NUDT4: variants seen among roughly 807,000 people sequenced by gnomAD.
The protein encoded by NUDT4 is nudix hydrolase 4, also known as diphosphoinositol polyphosphate phosphohydrolase 2.
In NUDT4, 5 loss-of-function variants were observed where a neutral mutation model predicts 23.1. That is an observed-to-expected ratio of 0.22 (90% confidence interval 0.11 to 0.46). The LOEUF is 0.46. NUDT4 is among the 20% of genes least tolerant of loss of function. The probability of loss-of-function intolerance (pLI) is 0.99; values close to 1 mark genes in which losing one functional copy is unlikely to be tolerated. For synonymous variants in NUDT4, 50 were observed against 79.0 expected, an observed-to-expected ratio of 0.63 and a Z score of 1.95; for missense variants, 96 against 211.6, an observed-to-expected ratio of 0.45 and a Z score of 3.39.
chr12:93,385,914 TTA>T (rs71952346), intron 1 of NUDT4, among the ~76,000 whole-genome samples: 34,260 of 131,474 alleles, frequency 0.26, 5,913 homozygotes, highest in African/African-American at 0.47. Context: ...TGTATAGATT[TTA>T]TATATATATA....
At position 93,406,456 on chromosome 12, in the gene NUDT4, TTA is replaced by T. The variant is rs1877824656; in HGVS notation, c.*7079_*7080del. The T allele has an allele frequency of 6.6e-6, 1 of 152,126 alleles. No homozygotes were observed. Among genetic ancestry groups the T allele is most frequent in the Admixed American group, 6.5e-5 (1 of 15,272 alleles). The allele number at this position is 152,126 out of a possible 1,614,324, so 9.4% of individuals were successfully genotyped here. On this transcript the variant is annotated 3_prime_UTR_variant, in exon 5 of 5. Transcript: ENST00000415493. The stretch of plus-strand genomic sequence containing the variant: ...CAAACAACCATAGCACCTGTGACTT[TTA>T]TCTGTTGGTTTGTATTTAATCTTAT...
chr12:93,402,559 A>G lies in NUDT4; in HGVS notation c.*3180A>G, dbSNP rs1324628762. 3.3e-5 allele frequency: 5 copies of G among 152,150 alleles called. No homozygotes were observed. Among genetic ancestry groups the G allele is most frequent in the East Asian group, 3.8e-4 (2 of 5,204 alleles). 9.4% of individuals were successfully genotyped at this position (152,150 alleles called of 1,614,324 possible). On this transcript the variant is annotated 3_prime_UTR_variant, in exon 5 of 5. Transcript: ENST00000415493. ...ATATACGTTACCTCTTCCTAGCGGT[A>G]CATTTGTATGATCCTTACTACTGGA...
rs1425060316 is a variant in NUDT4, at chr12:93,405,567, C to T, written c.*6188C>T. ...TTTAGTCCAGCTCCCAGCATGGCAG[C>T]TAATGGCAAGTTAGTACCATAAAGC... On this transcript the variant is annotated 3_prime_UTR_variant, in exon 5 of 5. Transcript: ENST00000415493. 1 of 100,934 alleles carries T rather than the reference C, an allele frequency of 9.9e-6. No individual in the cohort carries two copies. Among genetic ancestry groups the T allele is most frequent in the Admixed American group, 9.4e-5 (1 of 10,638 alleles). The allele number at this position is 100,934 out of a possible 1,614,324, so 6.3% of individuals were successfully genotyped here.
intron 1 of NUDT4, among the ~76,000 whole-genome samples, chr12:93,391,688 G>C (rs1031034075): frequency 1.3e-5 from 2 of 152,130 alleles, no homozygotes; most frequent in African/African-American, 2.4e-5. Flanking sequence ...AGTCAGCAGA[G>C]ATTGTGTCAC....
At chr12:93,378,771 G>C in intron 1 of NUDT4, 1 of 1,020,308 alleles carries the variant, frequency 9.8e-7, no homozygotes. Flanking sequence ...AGTGCTCAGC[G>C]AGAGGAGGGT....
At position 93,406,610 on chromosome 12, in the gene NUDT4, A is replaced by G. The variant is rs558543728; in HGVS notation, c.*7231A>G. The G allele has an allele frequency of 1.3e-5, 2 of 152,364 alleles. No individual in the cohort carries two copies. The highest frequency in any genetic ancestry group is 2.4e-5 in the African/African-American group (1 of 41,554). The allele number at this position is 152,364 out of a possible 1,614,324, so 9.4% of individuals were successfully genotyped here. On this transcript the variant is annotated 3_prime_UTR_variant, in exon 5 of 5. Coordinates refer to ENST00000415493, the MANE Select transcript of NUDT4 (RefSeq NM_019094.6). ...TTCAAACAACCAGACAAAATATTCC[A>G]AAAAACATTGTGTCTGTAGTCAACA...
chr12:93,384,477 G>C (rs1875923350), intron 1 of NUDT4, among the ~76,000 whole-genome samples: 1 of 151,926 alleles, frequency 6.6e-6, no homozygotes, highest in East Asian at 1.9e-4. Context: ...TGGGGTGTCC[G>C]ATCTTTTAGC....
intron 1 of NUDT4, among the ~76,000 whole-genome samples, chr12:93,387,859 A>G (rs891382800): frequency 3.3e-5 from 5 of 151,854 alleles, no homozygotes; most frequent in African/African-American, 9.7e-5. Flanking sequence ...TGCTGTTCAT[A>G]TTTTTCCACC....
chr12:93,397,661 A>T (rs1364116945), intron 3 of NUDT4, among the ~76,000 whole-genome samples: 1 of 152,066 alleles, frequency 6.6e-6, no homozygotes, highest in Non-Finnish European at 1.5e-5. Context: ...AAGTAGCTGA[A>T]TTACAGGCAT....
intron 1 of NUDT4, chr12:93,378,820 C>G (rs1034028222): frequency 1.2e-5 from 12 of 989,664 alleles, no homozygotes; most frequent in Non-Finnish European, 1.4e-5. Flanking sequence ...CCTTGTGCCT[C>G]TTTTACATAT....
chr12:93,387,499 G>T (rs1876191184), intron 1 of NUDT4, among the ~76,000 whole-genome samples: 1 of 152,124 alleles, frequency 6.6e-6, no homozygotes, highest in Non-Finnish European at 1.5e-5. Context: ...TGTTTTTCTG[G>T]AAAGAGAAAT....
In NUDT4 at chr12:93,378,337, G is replaced by C. The variant is rs1213918879; in HGVS notation, c.15G>C (p.Lys5Asn). The C allele has an allele frequency of 6.7e-7, 1 of 1,498,036 alleles. No individual in the cohort carries two copies. The highest frequency in any genetic ancestry group is 9.0e-7 in the Non-Finnish European group (1 of 1,109,316). 92.8% of individuals were successfully genotyped at this position (1,498,036 alleles called of 1,614,324 possible). MMKF[K>N]PNQTRTYDRE... ...AGCCCGCCTCTATGATGAAGTTCAA[G>C]CCCAACCAGACGCGGACCTACGACC... is the stretch of plus-strand genomic sequence containing the variant. The change falls in exon 1 of 5, where the codon AAG (lysine) becomes AAC (asparagine). Residue 5 changes from lysine (K) to asparagine (N), a missense_variant. Coordinates refer to ENST00000415493, the MANE Select transcript of NUDT4 (RefSeq NM_019094.6).
rs1876256767 is a variant in NUDT4 at position 93,388,440 on chromosome 12, T to G, written c.100-6169T>G. 1.3e-5 allele frequency among the ~76,000 whole-genome samples: 2 copies of G among 152,246 alleles called. 1 individual carries two copies. The highest frequency in any genetic ancestry group is 2.9e-5 in the Non-Finnish European group (2 of 68,042). On this transcript the variant is annotated intron_variant, in intron 1 of 4. Coordinates refer to ENST00000415493, the MANE Select transcript of NUDT4 (RefSeq NM_019094.6). ...TCTTTTCATCACATACAATTCTTGTTGAGTATCACACAATTAGTAGATAAG... is the reference window on the plus strand; with the variant it reads ...TCTTTTCATCACATACAATTCTTGTGGAGTATCACACAATTAGTAGATAAG...
chr12:93,378,978 C>G (rs551990811), intron 1 of NUDT4, among the ~76,000 whole-genome samples: 56 of 152,228 alleles, frequency 3.7e-4, no homozygotes, highest in African/African-American at 1.3e-3. Context: ...ATAATTATGC[C>G]TCATTTTTAA....
At position 93,394,619 on chromosome 12, in the gene NUDT4, T is replaced by A; in HGVS notation, c.110T>A (p.Val37Glu). ...RSEQEDEVLL[V>E]SSSRYPDQWI... ...TGGTTCACCTTACAGGTGCTGCTGG[T>A]GAGTAGCAGCCGGTACCCAGACCAG... The change falls in exon 2 of 5, where the codon GTG becomes GAG. Residue 37 changes from valine (V) to glutamate (E), a missense_variant. Val to Glu is a moderately radical substitution (Grantham distance 121). Transcript: ENST00000415493. 1 of 1,549,930 alleles carries A rather than the reference T, an allele frequency of 6.5e-7. No individual in the cohort carries two copies.
intron 1 of NUDT4, among the ~76,000 whole-genome samples, chr12:93,394,245 G>A (rs1275260278): frequency 1.3e-5 from 2 of 152,034 alleles, no homozygotes; most frequent in Non-Finnish European, 2.9e-5. Flanking sequence ...CTCTTGATCC[G>A]CCCGCCTCGG....
rs763050357 is a variant in NUDT4, at chr12:93,406,737, G to A, written c.*7358G>A. The stretch of plus-strand genomic sequence containing the variant: ...GTAATCTAAATATTAACATAAGCGG[G>A]AGGATTTGTGTAGATTGTATGCATA... On this transcript the variant is annotated 3_prime_UTR_variant, in exon 5 of 5. Coordinates refer to ENST00000415493, the MANE Select transcript of NUDT4 (RefSeq NM_019094.6). 3 of 152,132 alleles carry A rather than the reference G, an allele frequency of 2.0e-5. No individual in the cohort carries two copies. The allele number at this position is 152,132 out of a possible 1,614,324, so 9.4% of individuals were successfully genotyped here. A position where few individuals can be genotyped will look rare whatever the true frequency, so the allele number is the denominator to read the frequency against.
At position 93,402,335 on chromosome 12, in the gene NUDT4, G is replaced by A. The variant is rs1365615461; in HGVS notation, c.*2956G>A. The stretch of plus-strand genomic sequence containing the variant: ...ACATGAACTCAGATTTGCAAACCAG[G>A]TTTCTGAAACTTTGGGTAAGGTGTA... On this transcript the variant is annotated 3_prime_UTR_variant, in exon 5 of 5. Coordinates refer to ENST00000415493, the MANE Select transcript of NUDT4 (RefSeq NM_019094.6). 1 of 151,936 alleles carries A rather than the reference G, an allele frequency of 6.6e-6. No homozygotes were observed. The highest frequency in any genetic ancestry group is 1.9e-4 in the East Asian group (1 of 5,202). 9.4% of individuals were successfully genotyped at this position (151,936 alleles called of 1,614,324 possible). A position where few individuals can be genotyped will look rare whatever the true frequency, so the allele number is the denominator to read the frequency against.
chr12:93,383,335 C>G (rs1265185610), intron 1 of NUDT4, among the ~76,000 whole-genome samples: 1 of 152,150 alleles, frequency 6.6e-6, no homozygotes, highest in African/African-American at 2.4e-5. Flanking sequence ...TAGTAGGTAG[C>G]TGTTTAGCAT....
Sources: gnomAD v4.1 joint callset for allele counts (sites outside exome capture counted in the v4.1 genomes callset) on GRCh38, gnomAD v4.1.1 for gene constraint, MANE v1.5 for transcripts, NCBI Gene and HGNC (gene_info 2026-07-23, HGNC 2026-07-21) for gene names.